The following SAFB variants were observed in gnomAD, a reference collection of about 807,000 sequenced individuals.
SAFB encodes scaffold attachment factor B, also known as scaffold attachment factor B1.
SAFB carries 15 observed loss-of-function variants against 101.6 expected under a neutral mutation model. The ratio of observed to expected loss-of-function variants is 0.15; its 90% confidence interval spans 0.10 to 0.23. SAFB has a LOEUF of 0.23. Ranked by LOEUF, SAFB falls within the 10% of genes least tolerant of loss-of-function variation. The pLI is 1.00. For missense variants in SAFB, 930 were observed against 1,104.1 expected (o/e 0.84, Z 2.23); for synonymous variants, 449 against 407.5 (o/e 1.10, Z -1.23).
At chr19:5,661,841 C>T (rs777126271) in intron 15 of SAFB, 33 bp downstream of exon 15, 23 of 1,411,742 alleles carry the variant, frequency 1.6e-5, no homozygotes, top group East Asian at 2.5e-5. Flanking sequence ...TAGCACGTGG[C>T]GTTCAGAATC....
At chr19:5,631,393 T>G (rs978798770) in intron 2 of SAFB, among the ~76,000 whole-genome samples, 1 of 152,212 alleles carries the variant, frequency 6.6e-6, no homozygotes, top group Middle Eastern at 3.2e-3. Flanking sequence ...TTGTTTTGCT[T>G]CTTGTAATCA....
chr19:5,647,338 G>T (rs1415570445), intron 5 of SAFB, among the ~76,000 whole-genome samples: 1 of 152,234 alleles, frequency 6.6e-6, no homozygotes, highest in Non-Finnish European at 1.5e-5. Context: ...GAAGGCTGAA[G>T]GCCACAGAGG....
chr19:5,626,222 C>T (rs775524865), intron 1 of SAFB, among the ~76,000 whole-genome samples, 183 bp from the exon 2 acceptor site: 9 of 152,086 alleles, frequency 5.9e-5, no homozygotes, highest in Non-Finnish European at 1.0e-4. Context: ...GAACTGGTGG[C>T]GTCAGTCGGT....
intron 9 of SAFB, among the ~76,000 whole-genome samples, 175 bp from the exon 10 acceptor site, chr19:5,652,940 T>G (rs1268736361): frequency 3.3e-5 from 5 of 152,192 alleles, no homozygotes; most frequent in African/African-American, 4.8e-5. Context: ...CGATTAGAAC[T>G]GGCCAGAGGT....
chr19:5,642,411 A>G (rs1048956813), intron 4 of SAFB, among the ~76,000 whole-genome samples: 9 of 152,110 alleles, frequency 5.9e-5, no homozygotes, highest in African/African-American at 2.2e-4. Flanking sequence ...GTGCAATTGA[A>G]GTCCAGCCTG....
In SAFB at chr19:5,641,736, A is replaced by G; in HGVS notation, c.340-4A>G. The stretch of plus-strand genomic sequence containing the variant: ...CATGATGGTTCGGTCTGGTTGTGTC[A>G]CAGGAGGATGTTGAGACCAGTCTGG... On this transcript the variant is annotated splice_region_variant and splice_polypyrimidine_tract_variant and intron_variant, in intron 3 of 20. Coordinates refer to ENST00000588852, the MANE Select transcript of SAFB (RefSeq NM_001201338.2). 6.2e-7 allele frequency: 1 copy of G among 1,614,074 alleles called. No individual in the cohort carries two copies. The highest frequency in any genetic ancestry group is 8.5e-7 in the Non-Finnish European group (1 of 1,179,972).
At chr19:5,634,611 A>G (rs1022283018) in intron 2 of SAFB, among the ~76,000 whole-genome samples, 1 of 152,130 alleles carries the variant, frequency 6.6e-6, no homozygotes, top group Admixed American at 6.5e-5. Context: ...GGGAGAAAAT[A>G]TTATAGCACA....
At position 5,668,181 on chromosome 19, in the gene SAFB, G is replaced by T; in HGVS notation, c.2644G>T (p.Gly882Cys). 2 of 1,606,230 alleles carry T rather than the reference G, an allele frequency of 1.2e-6. No individual in the cohort carries two copies. Among genetic ancestry groups the T allele is most frequent in the Non-Finnish European group, 8.5e-7 (1 of 1,177,644 alleles). The stretch of plus-strand genomic sequence containing the variant: ...TCCTAGGCGCGGCAGCTTTGCCCCA[G>T]GCGGGGCCTCCCGGGGCCACCCCAT... ...GMSGRGSFAPGGASRGHPIPH... is the reference protein window; with the variant it reads ...GMSGRGSFAPCGASRGHPIPH... Residue 882 changes from glycine (G) to cysteine (C), a missense_variant, in exon 21 of 21, where the codon GGC (glycine) becomes TGC (cysteine). Around this residue, in one of 7 missense-constraint regions of SAFB, gnomAD observed 318 missense variants for 342.6 expected, o/e 0.93. Transcript: ENST00000588852.
chr19:5,635,619 A>G (rs1012802974), intron 2 of SAFB, among the ~76,000 whole-genome samples: 2 of 152,254 alleles, frequency 1.3e-5, no homozygotes, highest in East Asian at 1.9e-4. Flanking sequence ...TCAGAAAGTA[A>G]TGAACCACCC....
At chr19:5,638,992 G>T (rs2053650374) in intron 2 of SAFB, among the ~76,000 whole-genome samples, 1 of 152,076 alleles carries the variant, frequency 6.6e-6, no homozygotes, top group African/African-American at 2.4e-5. Flanking sequence ...CTCCCAAAGT[G>T]GTGGGATTAT....
In SAFB at chr19:5,668,271, C is replaced by T. The variant is rs1402686159; in HGVS notation, c.2734C>T (p.Arg912Cys). 23 of 1,611,820 alleles carry T rather than the reference C, an allele frequency of 1.4e-5. No homozygotes were observed. Among genetic ancestry groups the T allele is most frequent in the Non-Finnish European group, 1.6e-5 (19 of 1,179,566 alleles). Residue 912 changes from arginine (R) to cysteine (C), a missense_variant, in exon 21 of 21, where the codon CGC becomes TGC. Arg to Cys is a radical substitution (Grantham distance 180). Coordinates refer to ENST00000588852, the MANE Select transcript of SAFB (RefSeq NM_001201338.2). ...CCGGGGGAGCAGGCCCAGCGATGCCCGCTTCACTCGCCGCTACTGAGTACT... is the reference window on the plus strand; with the variant it reads ...CCGGGGGAGCAGGCCCAGCGATGCCTGCTTCACTCGCCGCTACTGAGTACT... ...QSRGSRPSDA[R>C]FTRRY
At chr19:5,645,471 A>C in intron 5 of SAFB, 72 bp downstream of exon 5, 1 of 726,426 alleles carries the variant, frequency 1.4e-6, no homozygotes, top group Non-Finnish European at 2.5e-6. Context: ...CATTTCAGAC[A>C]CCATATGCCA....
chr19:5,668,010 C>T, intron 20 of SAFB, 124 bp downstream of exon 20: 4 of 1,415,356 alleles, frequency 2.8e-6, no homozygotes, highest in Middle Eastern at 1.8e-4. Flanking sequence ...TGAGGCCAGG[C>T]ATGGGGTACT....
chr19:5,667,162 C>G lies in SAFB; in HGVS notation c.2451C>G (p.Pro817=), dbSNP rs767795421. The change falls in exon 18 of 21, where the codon CCC becomes CCG. Residue 817 remains proline (P), a splice_region_variant and synonymous_variant. Coordinates refer to ENST00000588852, the MANE Select transcript of SAFB (RefSeq NM_001201338.2). This position sits in a 1 kb window ranked among gnomAD's most constrained non-coding sequence, Gnocchi z 4.0. ...MSEGRGLPPP[P]RGRRDWGDHG... is the part of the protein sequence containing the mutation. The stretch of plus-strand genomic sequence containing the variant: ...AGGGCCGGGGGCTGCCTCCTCCCCC[C>G]AGGTTTGTGTCCCACACCCGACAGT... 1.9e-6 allele frequency: 3 copies of G among 1,572,076 alleles called. No homozygotes were observed. Among genetic ancestry groups the G allele is most frequent in the Admixed American group, 3.4e-5 (2 of 59,218 alleles).
Position 5,667,347 on chromosome 19 carries a change from G to T in SAFB, c.2454G>T (p.Arg818Ser), listed in dbSNP as rs1220214833. 6.7e-7 allele frequency: 1 copy of T among 1,493,636 alleles called. No individual in the cohort carries two copies. Among genetic ancestry groups the T allele is most frequent in the Non-Finnish European group, 8.9e-7 (1 of 1,123,616 alleles). The allele number at this position is 1,493,636 out of a possible 1,614,324, so 92.5% of individuals were successfully genotyped here. ...AAATCAGAGATGTCTCTCTTTCAAG[G>T]GGCAGACGTGACTGGGGGGACCATG... ...SEGRGLPPPP[R>S]GRRDWGDHGR... The change falls in exon 19 of 21, where the codon AGG becomes AGT. Residue 818 changes from arginine to serine, a missense_variant and splice_region_variant. This residue lies in a region of SAFB where 318 missense variants were observed against 342.6 expected (regional missense o/e 0.93). Coordinates refer to ENST00000588852, the MANE Select transcript of SAFB (RefSeq NM_001201338.2). The surrounding 1 kb of genome is among the most constrained non-coding windows in gnomAD (Gnocchi z 4.0).
chr19:5,658,922 G>A (rs866097522), intron 14 of SAFB, among the ~76,000 whole-genome samples: 6 of 152,112 alleles, frequency 3.9e-5, no homozygotes, highest in African/African-American at 7.2e-5. Flanking sequence ...CGAGGTGGGC[G>A]GATCACAAGG....
chr19:5,667,983 TC>T lies in SAFB; in HGVS notation c.2624+103del, dbSNP rs1568285919. On this transcript the variant is annotated intron_variant, in intron 20 of 20. Transcript: ENST00000588852. This position sits in a 1 kb window ranked among gnomAD's most constrained non-coding sequence, Gnocchi z 4.0. ...ACCAAGTCCTTCCAGCTAGTGCCCC[TC>T]CCCCCAAGGGTGACGTGAGGCCAGG... 4 of 1,428,722 alleles carry T rather than the reference TC, an allele frequency of 2.8e-6. No homozygotes were observed. Among genetic ancestry groups the T allele is most frequent in the Admixed American group, 2.1e-5 (1 of 48,348 alleles). 88.5% of individuals were successfully genotyped at this position (1,428,722 alleles called of 1,614,324 possible).
At chr19:5,654,946 GC>G (rs1274978844) in intron 13 of SAFB, among the ~76,000 whole-genome samples, 3 of 152,202 alleles carry the variant, frequency 2.0e-5, no homozygotes, top group Admixed American at 1.3e-4. Context: ...ATTTTCTAAA[GC>G]TAACTTTAAA....
chr19:5,664,785 C>T (rs1223048991), intron 17 of SAFB: 1 of 283,454 alleles, frequency 3.5e-6, no homozygotes, highest in African/African-American at 2.2e-5. Context: ...CAGACAGGTG[C>T]ATCTGGGGAG....
Sources: allele counts gnomAD v4.1 joint callset (sites outside exome capture counted in the v4.1 genomes callset), GRCh38; gene constraint gnomAD v4.1.1; regional missense constraint gnomAD v4.1.1; non-coding constraint Gnocchi (gnomAD v3.1); transcripts MANE v1.5; gene names NCBI Gene and HGNC (gene_info 2026-07-23, HGNC 2026-07-21).